The following TTYH2 variants were observed in gnomAD, a reference collection of about 807,000 sequenced individuals.
The protein encoded by TTYH2 is tweety family member 2.
TTYH2 carries 49 observed loss-of-function variants against 68.3 expected under a neutral mutation model. The ratio of observed to expected loss-of-function variants is 0.72; its 90% confidence interval spans 0.57 to 0.91. TTYH2 has a LOEUF of 0.91. Ranked by LOEUF, TTYH2 falls within the 40% of genes least tolerant of loss-of-function variation. TTYH2 has a pLI of 0.00. For synonymous variants in TTYH2, 272 were observed against 300.8 expected, an observed-to-expected ratio of 0.90 and a Z score of 0.99; for missense variants, 631 against 700.4, an observed-to-expected ratio of 0.90 and a Z score of 1.12.
intron 2 of TTYH2, among the ~76,000 whole-genome samples, chr17:74,223,919 C>T (rs1033295265): frequency 6.6e-6 from 1 of 152,216 alleles, no homozygotes; most frequent in African/African-American, 2.4e-5. Flanking sequence ...TAAGCCAAAA[C>T]GCAGGCGAGA....
At chr17:74,243,168 G>T (rs80151630) in intron 4 of TTYH2, among the ~76,000 whole-genome samples, 2 of 152,278 alleles carry the variant, frequency 1.3e-5, no homozygotes, top group Admixed American at 1.3e-4. Context: ...GGCAGGGGGT[G>T]TGAATTGACA....
chr17:74,218,846 A>C (rs575454572), intron 1 of TTYH2, among the ~76,000 whole-genome samples: 2 of 152,318 alleles, frequency 1.3e-5, no homozygotes, highest in African/African-American at 4.8e-5. Flanking sequence ...TCAGGAGGCA[A>C]ACTCAAAGGG....
chr17:74,233,717 C>T (rs2050413065), intron 3 of TTYH2, among the ~76,000 whole-genome samples: 1 of 152,148 alleles, frequency 6.6e-6, no homozygotes, highest in South Asian at 2.1e-4. Context: ...GACACCTGTG[C>T]CTTGGTGGGT....
Position 74,222,922 on chromosome 17 carries a change from C to G in TTYH2, c.302+265C>G, listed in dbSNP as rs1567810476. ...GTCCTGTGCCCAGCAGCTGTGCAGGCAGCATTTCTGCACCGACACTGGGCA... is the reference window on the plus strand; with the variant it reads ...GTCCTGTGCCCAGCAGCTGTGCAGGGAGCATTTCTGCACCGACACTGGGCA... On this transcript the variant is annotated intron_variant, in intron 2 of 13. Transcript: ENST00000269346. This position sits in a 1 kb window ranked among gnomAD's most constrained non-coding sequence, Gnocchi z 5.2. 6.6e-6 allele frequency among the ~76,000 whole-genome samples: 1 copy of G among 152,086 alleles called. No homozygotes were observed. Among genetic ancestry groups the G allele is most frequent in the Non-Finnish European group, 1.5e-5 (1 of 68,010 alleles).
At chr17:74,252,562 C>G (rs1009023968) in intron 11 of TTYH2, among the ~76,000 whole-genome samples, 186 bp downstream of exon 11, 1 of 152,274 alleles carries the variant, frequency 6.6e-6, no homozygotes, top group Non-Finnish European at 1.5e-5. Context: ...CACACAGACC[C>G]TCCAAAGGAG....
At chr17:74,252,805 C>A (rs556648410) in intron 11 of TTYH2, among the ~76,000 whole-genome samples, 1 of 152,150 alleles carries the variant, frequency 6.6e-6, no homozygotes, top group Admixed American at 6.5e-5. Context: ...TGTACAGGCA[C>A]CTGGTGAGCG....
chr17:74,246,958 G>A (rs997087186), intron 6 of TTYH2, among the ~76,000 whole-genome samples: 1 of 152,000 alleles, frequency 6.6e-6, no homozygotes, highest in African/African-American at 2.4e-5. Flanking sequence ...TGAGGCAGGG[G>A]GATCACCTGA....
chr17:74,240,212 G>A (rs942574224), intron 4 of TTYH2, among the ~76,000 whole-genome samples: 9 of 152,184 alleles, frequency 5.9e-5, no homozygotes, highest in Non-Finnish European at 1.3e-4. Flanking sequence ...GCTGAGGTGG[G>A]TGGATCACCT....
intron 3 of TTYH2, among the ~76,000 whole-genome samples, chr17:74,233,171 C>G (rs566954022): frequency 1.3e-5 from 2 of 152,162 alleles, no homozygotes; most frequent in African/African-American, 4.8e-5. Context: ...TCACCTCCCC[C>G]TCTGGCGTGA....
chr17:74,231,159 T>TGG (rs1393897106), intron 3 of TTYH2, among the ~76,000 whole-genome samples, 160 bp downstream of exon 3: 3 of 152,172 alleles, frequency 2.0e-5, no homozygotes, highest in Non-Finnish European at 4.4e-5. Context: ...TTGCCTCTGC[T>TGG]GGGGCAAATG....
chr17:74,249,887 CTCCTGGGAGACGGAGCCTCACTGT>C (rs2050601332), intron 8 of TTYH2, 25 bp from the exon 9 acceptor site: 1 of 1,470,792 alleles, frequency 6.8e-7, no homozygotes, highest in East Asian at 2.3e-5. Context: ...CACTGTGGGG[CTCCTGGGAGACGGAGCCTCACTGT>C]GGGGCTGTGT....
At position 74,253,193 on chromosome 17, in the gene TTYH2, A is replaced by G. The variant is rs760756090; in HGVS notation, c.1372A>G (p.Ser458Gly). ...GQLHSFCSYS[S>G]GLGSQTSLQP... ...GCTTCACAGCTTCTGCAGCTACAGC[A>G]GTGGCCTGGGAAGTCAGACCAGCCT... is the stretch of plus-strand genomic sequence containing the variant. Residue 458 changes from serine to glycine, a missense_variant, in exon 12 of 14, where the codon AGT becomes GGT. By Grantham distance (56) the Ser-to-Gly change is moderately conservative. Coordinates refer to ENST00000269346, the MANE Select transcript of TTYH2 (RefSeq NM_032646.6). 6.6e-5 allele frequency: 106 copies of G among 1,613,896 alleles called. No homozygotes were observed. The South Asian group carries it at 1.1e-3, about 17-fold the overall frequency.
At chr17:74,246,991 T>C (rs2050564779) in intron 6 of TTYH2, among the ~76,000 whole-genome samples, 1 of 152,056 alleles carries the variant, frequency 6.6e-6, no homozygotes, top group African/African-American at 2.4e-5. Context: ...AAAACCAGCC[T>C]GACCAACATG....
chr17:74,218,240 C>G (rs1442077630), intron 1 of TTYH2, among the ~76,000 whole-genome samples: 1 of 152,128 alleles, frequency 6.6e-6, no homozygotes, highest in Admixed American at 6.5e-5. Flanking sequence ...CCCTTGCCCA[C>G]CTTCCCTCTT....
chr17:74,222,685 G>C lies in TTYH2; in HGVS notation c.302+28G>C. On this transcript the variant is annotated intron_variant, in intron 2 of 13. Coordinates refer to ENST00000269346, the MANE Select transcript of TTYH2 (RefSeq NM_032646.6). This position sits in a 1 kb window ranked among gnomAD's most constrained non-coding sequence, Gnocchi z 5.2. ...GAGTGTCCCTGGACGCTGGGCTTGG[G>C]GTGTGTGACTCAGTCTGCAAGGGGC... 1 of 1,588,398 alleles carries C rather than the reference G, an allele frequency of 6.3e-7. No homozygotes were observed. Among genetic ancestry groups the C allele is most frequent in the Non-Finnish European group, 8.6e-7 (1 of 1,168,562 alleles).
chr17:74,260,075 G>A, intron 13 of TTYH2, 54 bp from the exon 14 acceptor site: 1 of 1,539,150 alleles, frequency 6.5e-7, no homozygotes. Flanking sequence ...ACCTTTGCTG[G>A]TGCAGTGCTT....
chr17:74,222,219 G>A lies in TTYH2; in HGVS notation c.130-266G>A, dbSNP rs535354099. On this transcript the variant is annotated intron_variant, in intron 1 of 13. Transcript: ENST00000269346. This position sits in a 1 kb window ranked among gnomAD's most constrained non-coding sequence, Gnocchi z 5.2. ...TCATCCAGGGTCTGAACCAGAAACCGGAGACCAGCTCTGGCACCCCTCCCT... is the reference window on the plus strand; with the variant it reads ...TCATCCAGGGTCTGAACCAGAAACCAGAGACCAGCTCTGGCACCCCTCCCT... Among the ~76,000 whole-genome samples, 103 of 152,264 alleles carry A rather than the reference G, an allele frequency of 6.8e-4. No homozygotes were observed. The highest frequency in any genetic ancestry group is 6.8e-3 in the Middle Eastern group (2 of 294).
rs915016562 is a variant in TTYH2, at chr17:74,215,423, C to G, written c.129+1707C>G. Among the ~76,000 whole-genome samples the G allele has an allele frequency of 6.6e-6, 1 of 152,204 alleles. No homozygotes were observed. ...GGATCCTGGGCCTGCCCACAGCCCC[C>G]TCAGTCCCATGGGCAGGTGGCAGTT... On this transcript the variant is annotated intron_variant, in intron 1 of 13. Coordinates refer to ENST00000269346, the MANE Select transcript of TTYH2 (RefSeq NM_032646.6). The surrounding 1 kb of genome is among the most constrained non-coding windows in gnomAD (Gnocchi z 4.3).
chr17:74,218,236 C>G (rs2050240434), intron 1 of TTYH2, among the ~76,000 whole-genome samples: 1 of 152,092 alleles, frequency 6.6e-6, no homozygotes, highest in African/African-American at 2.4e-5. Context: ...TCCTCCCTTG[C>G]CCACCTTCCC....
Sources: gnomAD v4.1 joint callset for allele counts (sites outside exome capture counted in the v4.1 genomes callset) on GRCh38, gnomAD v4.1.1 for gene constraint, Gnocchi (gnomAD v3.1) non-coding constraint, MANE v1.5 for transcripts, NCBI Gene and HGNC (gene_info 2026-07-23, HGNC 2026-07-21) for gene names.